Variants in EML1 observed in about 807,000 individuals in gnomAD.
The protein encoded by EML1 is echinoderm microtubule-associated protein-like 1.
Under a neutral mutation model 110.4 loss-of-function variants are expected in EML1, and 27 were observed. The observed-to-expected ratio is 0.24, with a 90% CI of 0.18 to 0.34. EML1 has a LOEUF of 0.34. EML1 is among the 10% of genes least tolerant of loss of function. EML1 has a pLI of 1.00. For synonymous variants in EML1, 344 were observed against 385.8 expected (o/e 0.89, Z 1.27); for missense variants, 741 against 1,030.9 (o/e 0.72, Z 3.85).
chr14:99,845,741 T>C (rs1183396412), intron 1 of EML1, among the ~76,000 whole-genome samples: 2 of 152,206 alleles, frequency 1.3e-5, no homozygotes, highest in Non-Finnish European at 2.9e-5. Context: ...GAAACAATTA[T>C]CTGTTACTTA....
intron 1 of EML1, among the ~76,000 whole-genome samples, chr14:99,780,316 A>T (rs1026961951): frequency 6.6e-6 from 1 of 151,914 alleles, no homozygotes; most frequent in African/African-American, 2.4e-5. Context: ...TTTTGCCCCC[A>T]CTGTGACAGG....
At chr14:99,813,380 A>G (rs1386938167) in intron 1 of EML1, among the ~76,000 whole-genome samples, 4 of 152,198 alleles carry the variant, frequency 2.6e-5, no homozygotes, top group Admixed American at 6.5e-5. Context: ...CATTTGGTAG[A>G]TTATCAAGAC....
intron 1 of EML1, among the ~76,000 whole-genome samples, chr14:99,756,003 G>A (rs1214696979): frequency 1.3e-5 from 2 of 152,206 alleles, no homozygotes; most frequent in Non-Finnish European, 2.9e-5. Flanking sequence ...AGCTCCCATG[G>A]CCACACGTGT....
Position 99,911,440 on chromosome 14 carries a change from A to G in EML1, c.1358A>G (p.Tyr453Cys), listed in dbSNP as rs758242532. The change falls in exon 13 of 22, where the codon TAT (tyrosine) becomes TGT (cysteine). Residue 453 changes from tyrosine (Y) to cysteine (C), a missense_variant. By Grantham distance (194) the Tyr-to-Cys change is radical. Coordinates refer to ENST00000262233, the MANE Select transcript of EML1 (RefSeq NM_004434.3). ...TGTTTAGGTACAAATCGAATAAGCT[A>G]TGCAGTTCAGGGGGCCCATGAGGGT... Reference protein sequence around the residue: ...VWGKGTNRISYAVQGAHEGGI... With the variant: ...VWGKGTNRISCAVQGAHEGGI... 3.7e-6 allele frequency: 6 copies of G among 1,605,952 alleles called. No homozygotes were observed. In the South Asian group the frequency reaches 4.5e-5, roughly 12 times the overall value.
chr14:99,816,001 G>A (rs996707832), intron 1 of EML1, among the ~76,000 whole-genome samples: 17 of 152,136 alleles, frequency 1.1e-4, no homozygotes, highest in African/African-American at 4.1e-4. Flanking sequence ...GAGCACAGAT[G>A]TTTGCACATT....
intron 17 of EML1, among the ~76,000 whole-genome samples, chr14:99,921,538 A>G (rs772086634): frequency 6.6e-6 from 1 of 152,136 alleles, no homozygotes; most frequent in Non-Finnish European, 1.5e-5. Context: ...TTTCAAACAT[A>G]GACAAAATTA....
rs184980334 is a variant in EML1, at chr14:99,874,817, C to T, written c.384-3668C>T. On this transcript the variant is annotated intron_variant, in intron 3 of 21. Coordinates refer to ENST00000262233, the MANE Select transcript of EML1 (RefSeq NM_004434.3). Reference sequence around the variant, plus strand: ...TATATTTGCGAACCAAAATGTCTTTCGATTTTGATGTGTGCGTCCTGCAAT... The same window carrying T: ...TATATTTGCGAACCAAAATGTCTTTTGATTTTGATGTGTGCGTCCTGCAAT... 54 of 851,116 alleles carry T rather than the reference C, an allele frequency of 6.3e-5. No individual in the cohort carries two copies. In the African/African-American group the frequency reaches 8.0e-4, roughly 13 times the overall value. 52.7% of individuals were successfully genotyped at this position (851,116 alleles called of 1,614,324 possible). A position where few individuals can be genotyped will look rare whatever the true frequency, so the allele number is the denominator to read the frequency against.
chr14:99,786,335 G>A (rs2057599718), intron 1 of EML1, among the ~76,000 whole-genome samples: 1 of 152,162 alleles, frequency 6.6e-6, no homozygotes, highest in Non-Finnish European at 1.5e-5. Flanking sequence ...TTCTCTTCCA[G>A]GCATTTGAAA....
At chr14:99,864,060 G>C (rs1411677981) in intron 2 of EML1, among the ~76,000 whole-genome samples, 1 of 152,190 alleles carries the variant, frequency 6.6e-6, no homozygotes, top group Non-Finnish European at 1.5e-5. Context: ...TCGCATTATT[G>C]TTTTAATTTG....
intron 1 of EML1, among the ~76,000 whole-genome samples, chr14:99,801,965 T>G (rs1375515328): frequency 6.6e-6 from 1 of 152,182 alleles, no homozygotes; most frequent in Non-Finnish European, 1.5e-5. Flanking sequence ...AAACATCCAG[T>G]GTTATTTTCA....
chr14:99,822,885 C>T (rs201245155), intron 1 of EML1, among the ~76,000 whole-genome samples: 1 of 152,186 alleles, frequency 6.6e-6, no homozygotes, highest in Non-Finnish European at 1.5e-5. Flanking sequence ...GCTGCTGAAG[C>T]GTCTCTCCAG....
intron 4 of EML1, among the ~76,000 whole-genome samples, chr14:99,890,859 TG>T (rs1350229134): frequency 6.6e-6 from 1 of 152,188 alleles, no homozygotes; most frequent in Non-Finnish European, 1.5e-5. Flanking sequence ...GTCAGAAGAG[TG>T]TAGGGAATAA....
At chr14:99,886,740 A>T (rs576496252) in intron 4 of EML1, among the ~76,000 whole-genome samples, 200 of 152,286 alleles carry the variant, frequency 1.3e-3, no homozygotes, top group African/African-American at 4.6e-3. Flanking sequence ...TTTCAGGAAC[A>T]TGGGGTTAGG....
intron 1 of EML1, among the ~76,000 whole-genome samples, chr14:99,760,182 A>T (rs1361138090): frequency 6.6e-6 from 1 of 152,094 alleles, no homozygotes; most frequent in African/African-American, 2.4e-5. Context: ...GTGCAACAGA[A>T]ACAAAACCTC....
chr14:99,762,190 G>C (rs970042120), intron 1 of EML1, among the ~76,000 whole-genome samples: 2 of 152,088 alleles, frequency 1.3e-5, no homozygotes, highest in Non-Finnish European at 2.9e-5. Context: ...GTATCACAGG[G>C]ACAATAATAG....
intron 1 of EML1, among the ~76,000 whole-genome samples, chr14:99,823,633 A>G (rs766333243): frequency 2.6e-5 from 4 of 152,102 alleles, no homozygotes; most frequent in Non-Finnish European, 5.9e-5. Context: ...TGCCAAGCCC[A>G]GTTCTAGGCT....
intron 1 of EML1, among the ~76,000 whole-genome samples, chr14:99,744,402 C>T (rs950608469): frequency 6.6e-6 from 1 of 152,196 alleles, no homozygotes; most frequent in Non-Finnish European, 1.5e-5. Flanking sequence ...GGGAAGTAAC[C>T]CACCTTGCCA....
chr14:99,938,718 A>G (rs1424506130), intron 20 of EML1, among the ~76,000 whole-genome samples: 1 of 152,256 alleles, frequency 6.6e-6, no homozygotes, highest in Non-Finnish European at 1.5e-5. Flanking sequence ...CAAGCAAGCA[A>G]CAGCCACAGT....
At chr14:99,742,268 C>T (rs1006970082) in intron 1 of EML1, among the ~76,000 whole-genome samples, 1 of 152,154 alleles carries the variant, frequency 6.6e-6, no homozygotes, top group Non-Finnish European at 1.5e-5. Context: ...TTTTATGTGA[C>T]GTCAGTGGTT....
Sources: gnomAD v4.1 joint callset for allele counts (sites outside exome capture counted in the v4.1 genomes callset) on GRCh38, gnomAD v4.1.1 for gene constraint, MANE v1.5 for transcripts, NCBI Gene and HGNC (gene_info 2026-07-23, HGNC 2026-07-21) for gene names.